The following MSANTD1 variants were observed in gnomAD, a reference collection of about 807,000 sequenced individuals.
MSANTD1 encodes Myb/SANT DNA binding domain containing 1.
Under a neutral mutation model 24.2 loss-of-function variants are expected in MSANTD1, and 7 were observed. The ratio of observed to expected loss-of-function variants is 0.29; its 90% CI spans 0.16 to 0.54. The LOEUF (loss-of-function observed/expected upper bound fraction) is 0.54. MSANTD1 is among the 20% of genes least tolerant of loss of function. The pLI, the probability that MSANTD1 is intolerant of heterozygous loss-of-function variation, is 0.94. For missense variants in MSANTD1, 384 were observed against 408.2 expected (o/e 0.94, Z 0.51); for synonymous variants, 177 against 181.1 (o/e 0.98, Z 0.18).
At position 3,256,202 on chromosome 4, in the gene MSANTD1, C is replaced by T. The variant is rs1722388081; in HGVS notation, c.*237C>T. The T allele has an allele frequency of 2.2e-6, 1 of 445,914 alleles. No homozygotes were observed. Among genetic ancestry groups the T allele is most frequent in the Non-Finnish European group, 3.9e-6 (1 of 255,608 alleles). 27.6% of individuals were successfully genotyped at this position (445,914 alleles called of 1,614,324 possible). On this transcript the variant is annotated 3_prime_UTR_variant, in exon 3 of 3. Coordinates refer to ENST00000438480, the MANE Select transcript of MSANTD1 (RefSeq NM_001042690.2). ...CCCTTCCTCGGACACAGGCCAGGGC[C>T]TCTGGGGTTCACTCCGAGTAAGAAC...
At chr4:3,254,651 G>A (rs362289) in intron 2 of MSANTD1, among the ~76,000 whole-genome samples, 42,918 of 152,158 alleles carry the variant, frequency 0.28, 7,618 homozygotes, top group Non-Finnish European at 0.36. Flanking sequence ...AGGGAGGTCT[G>A]CTGAGACCAC....
rs959274424 is a variant in MSANTD1 at position 3,255,217 on chromosome 4, CTCTT to C, written c.597-498_597-495del. ...CAAAGGACGGCAATGCCTGTGGCCT[CTCTT>C]TCTTTCTTTTTCTTTTTTTTTTTTT... On this transcript the variant is annotated intron_variant, in intron 2 of 2. Transcript: ENST00000438480. 4.6e-5 allele frequency among the ~76,000 whole-genome samples: 7 copies of C among 152,018 alleles called. No homozygotes were observed. The South Asian group carries it at 6.2e-4, about 14-fold the overall frequency.
intron 1 of MSANTD1, among the ~76,000 whole-genome samples, chr4:3,250,860 CCCCCAGT>C: frequency 6.6e-6 from 1 of 152,348 alleles, no homozygotes; most frequent in East Asian, 1.9e-4. Flanking sequence ...CAGAAGGGAA[CCCCCAGT>C]CCCCAGCCCT....
chr4:3,255,988 G>A lies in MSANTD1; in HGVS notation c.*23G>A, dbSNP rs1031869218. ...TAGGCCAGCAGGCGGCGGCGGCGGC[G>A]GGGCCGGGCGGCTGGTGGTACTGCT... On this transcript the variant is annotated 3_prime_UTR_variant, in exon 3 of 3. Transcript: ENST00000438480. 129 of 1,485,270 alleles carry A rather than the reference G, an allele frequency of 8.7e-5. No individual in the cohort carries two copies. The highest frequency in any genetic ancestry group is 1.1e-4 in the Non-Finnish European group (119 of 1,119,220). 92.0% of individuals were successfully genotyped at this position (1,485,270 alleles called of 1,614,324 possible).
Position 3,253,590 on chromosome 4 carries a change from A to G in MSANTD1, c.596+108A>G, listed in dbSNP as rs556001855. On this transcript the variant is annotated intron_variant, in intron 2 of 2. Transcript: ENST00000438480. ...CGGCGGCGGCGGCCACAGTGGTTGC[A>G]GAGGCCGTGGCTGCGGGCAGCGCCT... is the stretch of plus-strand genomic sequence containing the variant. 8.0e-6 allele frequency: 10 copies of G among 1,253,258 alleles called. No individual in the cohort carries two copies. In the East Asian group the frequency reaches 2.5e-4, roughly 31 times the overall value. The allele number at this position is 1,253,258 out of a possible 1,614,324, so 77.6% of individuals were successfully genotyped here. A position where few individuals can be genotyped will look rare whatever the true frequency, so the allele number is the denominator to read the frequency against.
chr4:3,245,585 C>T (rs973644759), upstream of MSANTD1, among the ~76,000 whole-genome samples: 2 of 152,162 alleles, frequency 1.3e-5, no homozygotes, highest in Non-Finnish European at 1.5e-5. Flanking sequence ...AGGCATCCTC[C>T]GCGAGCCCAC....
chr4:3,247,184 C>A (rs531704090), upstream of MSANTD1, among the ~76,000 whole-genome samples: 1 of 152,254 alleles, frequency 6.6e-6, no homozygotes, highest in Admixed American at 6.5e-5. Context: ...GGCTGTGCCC[C>A]CTTAGCCAGC....
At chr4:3,253,162 G>A in intron 1 of MSANTD1, 45 bp from the exon 2 acceptor site, 1 of 1,499,078 alleles carries the variant, frequency 6.7e-7, no homozygotes, top group Non-Finnish European at 8.9e-7. Flanking sequence ...CAGGGGCTGG[G>A]CCAGCTCTGT....
In MSANTD1 at chr4:3,253,408, C is replaced by A; in HGVS notation, c.522C>A (p.Asn174Lys). The stretch of plus-strand genomic sequence containing the variant: ...CCACCCCTCTGTACTTCCCGTATAA[C>A]CAGTGCTCCTACGAAGGCCGCTTCG... ...AKSTPLYFPY[N>K]QCSYEGRFED... The change falls in exon 2 of 3, where the codon AAC becomes AAA. Residue 174 changes from asparagine to lysine, a missense_variant. Transcript: ENST00000438480. 1.9e-6 allele frequency: 3 copies of A among 1,601,404 alleles called. No individual in the cohort carries two copies. Among genetic ancestry groups the A allele is most frequent in the Non-Finnish European group, 1.7e-6 (2 of 1,173,154 alleles).
intron 2 of MSANTD1, among the ~76,000 whole-genome samples, chr4:3,255,004 C>T (rs1213359694): frequency 6.6e-6 from 1 of 152,174 alleles, no homozygotes; most frequent in Non-Finnish European, 1.5e-5. Flanking sequence ...GCCTTCATCT[C>T]TCCCTGGGGG....
chr4:3,254,895 C>G (rs1280460205), intron 2 of MSANTD1, among the ~76,000 whole-genome samples: 1 of 152,218 alleles, frequency 6.6e-6, no homozygotes, highest in African/African-American at 2.4e-5. Context: ...CTTCTGGGAC[C>G]TCAGTTTCCC....
chr4:3,250,379 C>T (rs1722186777), intron 1 of MSANTD1, among the ~76,000 whole-genome samples: 1 of 152,178 alleles, frequency 6.6e-6, no homozygotes, highest in South Asian at 2.1e-4. Flanking sequence ...GGTGTGGTCC[C>T]ACACACCCAG....
chr4:3,252,705 G>A (rs1299973575), intron 1 of MSANTD1, among the ~76,000 whole-genome samples: 1 of 152,230 alleles, frequency 6.6e-6, no homozygotes. Flanking sequence ...ACTGAAGCCT[G>A]TGCTCTAACG....
Position 3,249,266 on chromosome 4 carries a change from C to T in MSANTD1, c.44C>T (p.Ser15Phe). 6.7e-7 allele frequency: 1 copy of T among 1,497,728 alleles called. No homozygotes were observed. The highest frequency in any genetic ancestry group is 1.3e-5 in the South Asian group (1 of 77,228). The allele number at this position is 1,497,728 out of a possible 1,614,324, so 92.8% of individuals were successfully genotyped here. Residue 15 changes from serine (S) to phenylalanine (F), a missense_variant, in exon 1 of 3, where the codon TCT (serine) becomes TTT (phenylalanine). Transcript: ENST00000438480. ...AGPGPSLSAL[S>F]HPTGASGMAA... ...CCGGGGCCCTCGCTGAGCGCGCTCT[C>T]TCACCCCACAGGCGCCTCCGGCATG...
In MSANTD1 at chr4:3,253,283, G is replaced by A. The variant is rs1722284919; in HGVS notation, c.397G>A (p.Ala133Thr). 1 of 1,608,072 alleles carries A rather than the reference G, an allele frequency of 6.2e-7. No individual in the cohort carries two copies. The highest frequency in any genetic ancestry group is 8.5e-7 in the Non-Finnish European group (1 of 1,176,498). Residue 133 changes from alanine to threonine, a missense_variant, in exon 2 of 3, where the codon GCC becomes ACC. Ala to Thr is a moderately conservative substitution (Grantham distance 58, BLOSUM62 0). Coordinates refer to ENST00000438480, the MANE Select transcript of MSANTD1 (RefSeq NM_001042690.2). ...TTACCTAGCCATTGATGGGATTCTG[G>A]CCAAGGTCCCCGAGTCCTGTGATGG... The part of the protein sequence containing the change: ...PYYLAIDGIL[A>T]KVPESCDGKL...
chr4:3,245,796 G>T (rs1431938145), upstream of MSANTD1, among the ~76,000 whole-genome samples: 1 of 148,598 alleles, frequency 6.7e-6, no homozygotes, highest in Non-Finnish European at 1.5e-5. Flanking sequence ...CACATCCTCT[G>T]GGGGGGCCCG....
upstream of MSANTD1, chr4:3,248,848 C>A: frequency 5.0e-6 from 1 of 198,706 alleles, no homozygotes; most frequent in East Asian, 1.1e-4. Context: ...TTTCTCCCAC[C>A]TTTTGCCCCC....
chr4:3,251,163 C>T (rs922437060), intron 1 of MSANTD1, among the ~76,000 whole-genome samples: 26 of 152,226 alleles, frequency 1.7e-4, no homozygotes, highest in Non-Finnish European at 3.2e-4. Context: ...CCCCACTGTT[C>T]CCGTGGCCTC....
Position 3,255,707 on chromosome 4 carries a change from C to G in MSANTD1, c.597-18C>G. 1 of 1,517,890 alleles carries G rather than the reference C, an allele frequency of 6.6e-7. No homozygotes were observed. The allele number at this position is 1,517,890 out of a possible 1,614,324, so 94.0% of individuals were successfully genotyped here. ...GGCTCTGTGGCCAGCACGTCCACAG[C>G]CGGCACTGTCCTTCCAGGTCGGAGG... On this transcript the variant is annotated intron_variant, in intron 2 of 2. Coordinates refer to ENST00000438480, the MANE Select transcript of MSANTD1 (RefSeq NM_001042690.2).
Sources: gnomAD v4.1 joint callset for allele counts (sites outside exome capture counted in the v4.1 genomes callset) on GRCh38, gnomAD v4.1.1 for gene constraint, MANE v1.5 for transcripts, NCBI Gene and HGNC (gene_info 2026-07-23, HGNC 2026-07-21) for gene names.